XYLB: variants seen among roughly 807,000 people sequenced by gnomAD.
XYLB encodes xylulose kinase.
In XYLB, 62 loss-of-function variants were observed where a neutral mutation model predicts 78.7. That is an observed-to-expected ratio of 0.79 (90% CI 0.64 to 0.97). The LOEUF (loss-of-function observed/expected upper bound fraction) is 0.97, where lower values mean the gene tolerates loss of function less well. Among genes scored for constraint, XYLB ranks in the 50% least tolerant of loss-of-function variants. XYLB has a pLI of 0.00. For synonymous variants in XYLB, 245 were observed against 247.4 expected (o/e 0.99, Z 0.09); for missense variants, 687 against 676.8 (o/e 1.02, Z -0.17).
chr3:38,445,769 C>T, the XYLB span, among the ~76,000 whole-genome samples: 1 of 152,204 alleles, frequency 6.6e-6, no homozygotes, highest in Admixed American at 6.5e-5. Context: ...GAAAGCCTGA[C>T]ACCCATGTCT....
chr3:38,370,237 A>AGC (rs201505520), intron 9 of XYLB, 63 bp downstream of exon 9: 56 of 339,212 alleles, frequency 1.7e-4, no homozygotes, highest in South Asian at 4.8e-4. Context: ...GAAGCACTGT[A>AGC]GCGCACACAC....
downstream of XYLB, among the ~76,000 whole-genome samples, chr3:38,419,458 G>A (rs1223449506): frequency 6.6e-6 from 1 of 150,792 alleles, no homozygotes; most frequent in Non-Finnish European, 1.5e-5. Context: ...TAGTAATTCT[G>A]TTTAACTTTT....
At chr3:38,427,362 C>T in the XYLB span, among the ~76,000 whole-genome samples, 2 of 152,178 alleles carry the variant, frequency 1.3e-5, no homozygotes, top group African/African-American at 2.4e-5. Context: ...TTTAACTTGT[C>T]AAATTTATTA....
chr3:38,433,618 A>G, the XYLB span, among the ~76,000 whole-genome samples: 2 of 152,226 alleles, frequency 1.3e-5, no homozygotes, highest in African/African-American at 4.8e-5. Context: ...AAATGCTGCC[A>G]GTCTCTTTGC....
At chr3:38,378,944 A>C (rs1707006142) in intron 14 of XYLB, among the ~76,000 whole-genome samples, 1 of 151,782 alleles carries the variant, frequency 6.6e-6, no homozygotes, top group African/African-American at 2.4e-5. Flanking sequence ...GACTAATGTA[A>C]CTTATTGAAG....
Position 38,365,249 on chromosome 3 carries a change from C to G in XYLB, c.342C>G (p.Ser114Arg). 1 of 1,614,232 alleles carries G rather than the reference C, an allele frequency of 6.2e-7. No individual in the cohort carries two copies. Among genetic ancestry groups the G allele is most frequent in the Non-Finnish European group, 8.5e-7 (1 of 1,180,038 alleles). ...CTGGAGCCCAGCAGGCACTGACAAG[C>G]TTATCACCAGACCTCCGGCTACACC... ...WKAGAQQALT[S>R]LSPDLRLHQQ... Residue 114 changes from serine (S) to arginine (R), a missense_variant, in exon 5 of 19, where the codon AGC (serine) becomes AGG (arginine). Physicochemically the swap from Ser to Arg is moderately radical, Grantham distance 110 (BLOSUM62 -1). Coordinates refer to ENST00000207870, the MANE Select transcript of XYLB (RefSeq NM_005108.4).
chr3:38,412,233 C>T (rs1708624853), intron 18 of XYLB, among the ~76,000 whole-genome samples: 3 of 152,124 alleles, frequency 2.0e-5, no homozygotes, highest in African/African-American at 7.2e-5. Context: ...TCAGGTGATC[C>T]ACCCGCCTTG....
chr3:38,393,993 T>C (rs1478125149), intron 15 of XYLB, among the ~76,000 whole-genome samples: 3 of 152,198 alleles, frequency 2.0e-5, no homozygotes, highest in Non-Finnish European at 4.4e-5. Context: ...TAAAATATTG[T>C]CTGAGCTGTT....
intron 10 of XYLB, 146 bp from the exon 11 acceptor site, chr3:38,374,316 G>T: frequency 2.7e-6 from 3 of 1,108,584 alleles, no homozygotes; most frequent in South Asian, 1.4e-5. Flanking sequence ...CCTCCTGAGC[G>T]CTCAGCTCCC....
intron 18 of XYLB, among the ~76,000 whole-genome samples, chr3:38,402,391 T>C (rs1482181023): frequency 6.6e-6 from 1 of 152,172 alleles, no homozygotes; most frequent in Non-Finnish European, 1.5e-5. Context: ...GTAGAAACAC[T>C]ATGGAGAATT....
Position 38,368,194 on chromosome 3 carries a change from T to C in XYLB, c.583T>C (p.Leu195=), listed in dbSNP as rs202054238. 6.2e-7 allele frequency: 1 copy of C among 1,614,148 alleles called. No homozygotes were observed. Among genetic ancestry groups the C allele is most frequent in the African/African-American group, 1.3e-5 (1 of 75,054 alleles). Reference sequence around the variant, plus strand: ...TTTCTTTCCTTTACAGAGAATTTCTTTGGTCAGTAGCTTTGCTGCTTCCCT... The same window carrying C: ...TTTCTTTCCTTTACAGAGAATTTCTCTGGTCAGTAGCTTTGCTGCTTCCCT... ...EAYSHTERIS[L]VSSFAASLFL... The change falls in exon 8 of 19, where the codon TTG becomes CTG. Residue 195 remains leucine (L), a synonymous_variant. Coordinates refer to ENST00000207870, the MANE Select transcript of XYLB (RefSeq NM_005108.4).
At chr3:38,370,800 A>G (rs1027509417) in intron 9 of XYLB, among the ~76,000 whole-genome samples, 5 of 152,218 alleles carry the variant, frequency 3.3e-5, no homozygotes, top group African/African-American at 9.6e-5. Context: ...ACCCATTTGC[A>G]GTGGACACTG....
At chr3:38,348,715 C>A in intron 2 of XYLB, 83 bp downstream of exon 2, 1 of 1,282,540 alleles carries the variant, frequency 7.8e-7, no homozygotes, top group Non-Finnish European at 1.1e-6. Context: ...GCAGACCGCA[C>A]TGTTGAGGCT....
chr3:38,409,795 A>T (rs2125675370), intron 18 of XYLB, among the ~76,000 whole-genome samples: 1 of 152,344 alleles, frequency 6.6e-6, no homozygotes, highest in Non-Finnish European at 1.5e-5. Context: ...TGCTTCAAAG[A>T]GAATAAAATA....
intron 15 of XYLB, among the ~76,000 whole-genome samples, chr3:38,390,599 T>G (rs908308507): frequency 6.6e-6 from 1 of 152,190 alleles, no homozygotes; most frequent in East Asian, 1.9e-4. Flanking sequence ...CACGGCTCAT[T>G]GCAGCCTTGA....
At chr3:38,367,838 T>C (rs1391217638) in intron 7 of XYLB, among the ~76,000 whole-genome samples, 1 of 152,132 alleles carries the variant, frequency 6.6e-6, no homozygotes, top group East Asian at 1.9e-4. Context: ...GCCAAGGAGA[T>C]AGAGGAAGGA....
intron 12 of XYLB, among the ~76,000 whole-genome samples, chr3:38,375,854 G>T (rs196378): frequency 6.6e-6 from 1 of 151,938 alleles, no homozygotes; most frequent in Admixed American, 6.6e-5. Flanking sequence ...CAAGCTCCCT[G>T]TCTCTACCTG....
the XYLB span, among the ~76,000 whole-genome samples, chr3:38,442,688 T>C: frequency 6.6e-6 from 1 of 150,498 alleles, no homozygotes; most frequent in African/African-American, 2.4e-5. Flanking sequence ...GTTTTTCTAC[T>C]CCTAGAATTG....
the XYLB span, among the ~76,000 whole-genome samples, chr3:38,447,543 T>C: frequency 6.8e-6 from 1 of 147,692 alleles, no homozygotes; most frequent in Non-Finnish European, 1.5e-5. Flanking sequence ...GGTCTCAAAC[T>C]CCTGAACTCC....
Sources: allele counts gnomAD v4.1 joint callset (sites outside exome capture counted in the v4.1 genomes callset), GRCh38; gene constraint gnomAD v4.1.1; transcripts MANE v1.5; gene names NCBI Gene and HGNC (gene_info 2026-07-23, HGNC 2026-07-21).